The following ZNF43 variants were observed in gnomAD, a reference collection of about 807,000 sequenced individuals.
The protein encoded by ZNF43 is zinc finger protein 39-like 1 (KOX 27).
Under a neutral mutation model 68.4 loss-of-function variants are expected in ZNF43, and 44 were observed. That is an observed-to-expected ratio of 0.64 (90% CI 0.51 to 0.83). The LOEUF is 0.83. Among genes scored for constraint, ZNF43 ranks in the 40% least tolerant of loss-of-function variants. ZNF43 has a pLI of 0.00. For missense variants in ZNF43, 896 were observed against 933.2 expected (o/e 0.96, Z 0.52); for synonymous variants, 308 against 307.8 (o/e 1.00, Z -0.01).
intron 3 of ZNF43, among the ~76,000 whole-genome samples, chr19:21,812,939 A>AAT (rs1555718636): frequency 1.1e-4 from 17 of 151,718 alleles, no homozygotes; most frequent in African/African-American, 4.1e-4. Context: ...TCTCAAAAAA[A>AAT]AATAATAATA....
intron 1 of ZNF43, among the ~76,000 whole-genome samples, chr19:21,846,796 G>T (rs974709042): frequency 6.6e-6 from 1 of 152,170 alleles, no homozygotes; most frequent in African/African-American, 2.4e-5. Flanking sequence ...CTGGTGCAAA[G>T]ACATTTCAAA....
chr19:21,828,291 CTATT>C (rs1381760860), intron 1 of ZNF43, among the ~76,000 whole-genome samples: 3 of 152,174 alleles, frequency 2.0e-5, no homozygotes, highest in East Asian at 3.9e-4. Context: ...ATTAAAATAA[CTATT>C]TAGGCTAGGC....
At chr19:21,845,062 A>G (rs1967862195) in intron 1 of ZNF43, among the ~76,000 whole-genome samples, 1 of 151,292 alleles carries the variant, frequency 6.6e-6, no homozygotes, top group African/African-American at 2.4e-5. Flanking sequence ...GAGACAGGAG[A>G]GTCACATCAC....
chr19:21,824,040 T>C (rs1313079519), intron 1 of ZNF43, among the ~76,000 whole-genome samples: 1 of 151,940 alleles, frequency 6.6e-6, no homozygotes, highest in East Asian at 1.9e-4. Flanking sequence ...CAAAAAAAAA[T>C]TAGCCGGGCG....
At position 21,849,488 on chromosome 19, in the gene ZNF43, C is replaced by CAAAAA. The variant is rs35354919; in HGVS notation, c.30+2412_30+2416dup. Among the ~76,000 whole-genome samples the CAAAAA allele has an allele frequency of 3.9e-3, 116 of 29,506 alleles. 6 individuals carry two copies. The highest frequency in any genetic ancestry group is 0.022 in the East Asian group (21 of 972). The allele number at this position is 29,506 out of a possible 152,430, so 19.4% of individuals were successfully genotyped here. On this transcript the variant is annotated intron_variant, in intron 1 of 3. Transcript: ENST00000357491. ...GGACAACAAGGGCAAAACCCTGCCT[C>CAAAAA]AAAAAAAAAAAAAAAAAAAAAAAAA...
upstream of ZNF43, chr19:21,837,902 T>A (rs1258559098): frequency 6.6e-6 from 1 of 152,248 alleles, no homozygotes; most frequent in Non-Finnish European, 1.5e-5. Context: ...CTTGGTTTGA[T>A]CCAGTAATGC....
Position 21,807,274 on chromosome 19 carries a change from T to G in ZNF43, c.*333A>C, listed in dbSNP as rs1386208752. ...TGTAATGTTTGTCTTCAGAATGAAT[T>G]ATCTTCTTCACTTTAAAGGCTTTTA... On this transcript the variant is annotated 3_prime_UTR_variant, in exon 4 of 4. Coordinates refer to ENST00000354959, the MANE Select transcript of ZNF43 (RefSeq NM_003423.4). 5.6e-6 allele frequency: 1 copy of G among 177,464 alleles called. No individual in the cohort carries two copies. Among genetic ancestry groups the G allele is most frequent in the Non-Finnish European group, 1.2e-5 (1 of 84,304 alleles). 11.0% of individuals were successfully genotyped at this position (177,464 alleles called of 1,614,324 possible).
At chr19:21,844,823 G>T (rs1429226745) in intron 1 of ZNF43, among the ~76,000 whole-genome samples, 1 of 142,278 alleles carries the variant, frequency 7.0e-6, no homozygotes, top group African/African-American at 2.6e-5. Context: ...CATGAACCCA[G>T]CAGGTGGAGC....
chr19:21,826,666 T>C (rs2038136281), intron 1 of ZNF43: 1 of 152,184 alleles, frequency 6.6e-6, no homozygotes, highest in Admixed American at 6.6e-5. Context: ...TGAAACCCCA[T>C]CTATACTAAA....
At chr19:21,846,231 A>G (rs1027151811) in intron 1 of ZNF43, among the ~76,000 whole-genome samples, 1 of 151,896 alleles carries the variant, frequency 6.6e-6, no homozygotes, top group African/African-American at 2.4e-5. Context: ...GTCACATCGC[A>G]TGGGTGCTGG....
chr19:21,826,331 T>C (rs1406859848), intron 1 of ZNF43, among the ~76,000 whole-genome samples: 1 of 152,092 alleles, frequency 6.6e-6, no homozygotes, highest in African/African-American at 2.4e-5. Flanking sequence ...TGTTTGGAAA[T>C]GGAATTTAAA....
At chr19:21,832,365 T>C (rs2145321429) in intron 1 of ZNF43, among the ~76,000 whole-genome samples, 1 of 152,246 alleles carries the variant, frequency 6.6e-6, no homozygotes, top group Admixed American at 6.5e-5. Context: ...TTACACCATA[T>C]ACAAAAATCA....
chr19:21,814,852 GA>G (rs1476931103), intron 3 of ZNF43, among the ~76,000 whole-genome samples: 1 of 151,828 alleles, frequency 6.6e-6, no homozygotes, highest in Non-Finnish European at 1.5e-5. Flanking sequence ...ACACTAATAT[GA>G]AACTGGAAAA....
intron 1 of ZNF43, among the ~76,000 whole-genome samples, chr19:21,830,296 CA>C (rs1261426354): frequency 6.8e-6 from 1 of 146,274 alleles, no homozygotes; most frequent in Non-Finnish European, 1.5e-5. Context: ...AAAAACAAAA[CA>C]AAAAACAAAC....
At position 21,808,167 on chromosome 19, in the gene ZNF43, A is replaced by G. The variant is rs1167293246; in HGVS notation, c.1870T>C (p.Cys624Arg). Residue 624 changes from cysteine (C) to arginine (R), a missense_variant, in exon 4 of 4, where the codon TGT (cysteine) becomes CGT (arginine). Physicochemically the swap from Cys to Arg is radical, Grantham distance 180. Transcript: ENST00000354959. The part of the protein sequence containing the change: ...KIHTGGKPYK[C>R]EECGKAFNQF... ...TTAAAAGCTTTGCCACATTCTTCAC[A>G]TTTGTAGGGTTTTCCTCCAGTATGA... 3.7e-6 allele frequency: 6 copies of G among 1,613,194 alleles called. No homozygotes were observed. The highest frequency in any genetic ancestry group is 2.2e-5 in the East Asian group (1 of 44,832).
At chr19:21,831,965 A>C (rs1001359932) in intron 1 of ZNF43, among the ~76,000 whole-genome samples, 1 of 152,216 alleles carries the variant, frequency 6.6e-6, no homozygotes, top group Non-Finnish European at 1.5e-5. Context: ...TGCCCAAAGA[A>C]ATGTACAGAC....
At chr19:21,812,274 G>A (rs1039634556) in intron 3 of ZNF43, among the ~76,000 whole-genome samples, 4 of 151,896 alleles carry the variant, frequency 2.6e-5, no homozygotes, top group Admixed American at 2.0e-4. Flanking sequence ...TTACAGGCGC[G>A]CACCACCACG....
At chr19:21,820,592 A>G (rs2037775249) in intron 1 of ZNF43, among the ~76,000 whole-genome samples, 1 of 151,640 alleles carries the variant, frequency 6.6e-6, no homozygotes. Flanking sequence ...AAAAAAAGAA[A>G]GAAAAAAGGA....
chr19:21,849,076 G>C (rs548777403), intron 1 of ZNF43, among the ~76,000 whole-genome samples: 89 of 152,328 alleles, frequency 5.8e-4, no homozygotes, highest in African/African-American at 2.0e-3. Flanking sequence ...CCATCACTGT[G>C]TGAGGGTGAC....
Sources: allele counts gnomAD v4.1 joint callset (sites outside exome capture counted in the v4.1 genomes callset), GRCh38; gene constraint gnomAD v4.1.1; transcripts MANE v1.5; gene names NCBI Gene and HGNC (gene_info 2026-07-23, HGNC 2026-07-21).